ATG16L2: variants seen among roughly 807,000 people sequenced by gnomAD.
ATG16L2 encodes protein Atg16l2.
In ATG16L2, 77 loss-of-function variants were observed where a neutral mutation model predicts 84.7. The ratio of observed to expected loss-of-function variants is 0.91; its 90% CI spans 0.76 to 1.10. The LOEUF is 1.10. ATG16L2 is among the 50% of genes least tolerant of loss of function. The probability of loss-of-function intolerance (pLI) is 0.00; values close to 1 mark genes in which losing one functional copy is unlikely to be tolerated. For missense variants in ATG16L2, 782 were observed against 817.6 expected, an observed-to-expected ratio of 0.96 and a Z score of 0.53; for synonymous variants, 361 against 342.8, an observed-to-expected ratio of 1.05 and a Z score of -0.59.
In ATG16L2 at chr11:72,822,364, G is replaced by A. The variant is rs1187143165; in HGVS notation, c.644+69G>A. ...CTGCAGGGAGGAGTCGGGCCTCGCC[G>A]GTGTCTGGAAGGGAGGGGGGCAGCA... On this transcript the variant is annotated intron_variant, in intron 5 of 17. Coordinates refer to ENST00000321297, the MANE Select transcript of ATG16L2 (RefSeq NM_033388.2). The surrounding 1 kb of genome is among the most constrained non-coding windows in gnomAD (Gnocchi z 4.2). 2 of 1,565,742 alleles carry A rather than the reference G, an allele frequency of 1.3e-6. No homozygotes were observed. The highest frequency in any genetic ancestry group is 4.7e-5 in the East Asian group (2 of 42,110).
chr11:72,816,416 C>T (rs1272217453), intron 1 of ATG16L2: 2 of 299,252 alleles, frequency 6.7e-6, no homozygotes, highest in African/African-American at 4.2e-5. Flanking sequence ...ATGAATCAAT[C>T]CCAGGCCCCT....
intron 17 of ATG16L2, 25 bp from the exon 18 acceptor site, chr11:72,829,278 G>A: frequency 1.2e-6 from 2 of 1,610,708 alleles, no homozygotes; most frequent in Non-Finnish European, 1.7e-6. Context: ...AAGCCCCCCT[G>A]AAGCCTGCCC....
At chr11:72,823,353 A>G (rs1860127233) in intron 7 of ATG16L2, 3 of 334,960 alleles carry the variant, frequency 9.0e-6, no homozygotes, top group South Asian at 4.9e-5. Flanking sequence ...AGGTGTGTAC[A>G]AGCTTGACTG....
exon 6 of ATG16L2, chr11:72,843,638 G>A (rs1861035225): frequency 2.7e-6 from 2 of 727,418 alleles, no homozygotes; most frequent in East Asian, 2.5e-5. Flanking sequence ...ATGATTTTGA[G>A]AAACATGTTG....
downstream of ATG16L2, among the ~76,000 whole-genome samples, chr11:72,832,390 G>T (rs1356219759): frequency 6.6e-6 from 1 of 152,188 alleles, no homozygotes; most frequent in Non-Finnish European, 1.5e-5. Context: ...AGGAGGGGGT[G>T]CTTCCTGGAG....
exon 6 of ATG16L2, chr11:72,842,672 T>G: frequency 1.2e-6 from 2 of 1,614,060 alleles, no homozygotes; most frequent in Non-Finnish European, 1.7e-6. Flanking sequence ...CTGAAAGTTC[T>G]TCCACTAGCA....
chr11:72,819,949 G>A (rs1366513666), intron 3 of ATG16L2, among the ~76,000 whole-genome samples: 1 of 152,090 alleles, frequency 6.6e-6, no homozygotes, highest in Non-Finnish European at 1.5e-5. Flanking sequence ...GTTTCACCAT[G>A]TTAGCTAGGA....
At position 72,829,347 on chromosome 11, in the gene ATG16L2, T is replaced by C. The variant is rs1341098379; in HGVS notation, c.1817T>C (p.Met606Thr). The change falls in exon 18 of 18, where the codon ATG becomes ACG. Residue 606 changes from methionine to threonine, a missense_variant. Met to Thr is a moderately conservative substitution (Grantham distance 81). Transcript: ENST00000321297. ...GCCTGGTGCTACTCCGGGAGCCACA[T>C]GGTGAGCGTGGACCAGGGCAGGAAG... ...AVAWCYSGSH[M>T]VSVDQGRKVV... 4 of 1,612,892 alleles carry C rather than the reference T, an allele frequency of 2.5e-6. No homozygotes were observed. The highest frequency in any genetic ancestry group is 1.1e-5 in the South Asian group (1 of 91,038).
chr11:72,834,659 C>T (rs561073643), intron 5 of ATG16L2, among the ~76,000 whole-genome samples: 4 of 151,684 alleles, frequency 2.6e-5, no homozygotes, highest in East Asian at 1.9e-4. Flanking sequence ...CTTGGCTCAC[C>T]GCAACCTCTG....
intron 14 of ATG16L2, 54 bp from the exon 15 acceptor site, chr11:72,828,305 A>T: frequency 6.3e-7 from 1 of 1,599,744 alleles, no homozygotes; most frequent in Non-Finnish European, 8.6e-7. Flanking sequence ...CCTTCCTGTC[A>T]GGAGTGGCCT....
exon 6 of ATG16L2, chr11:72,843,363 C>T (rs1861025030): frequency 7.9e-7 from 1 of 1,265,634 alleles, no homozygotes; most frequent in African/African-American, 1.5e-5. Context: ...CAAGTTTACA[C>T]ACACAATTTA....
intron 9 of ATG16L2, 118 bp from the exon 10 acceptor site, chr11:72,825,184 G>T: frequency 2.7e-6 from 2 of 754,002 alleles, no homozygotes; most frequent in Non-Finnish European, 4.4e-6. Flanking sequence ...AAACTGGGGA[G>T]GGAGATACCA....
intron 1 of ATG16L2, chr11:72,816,368 C>T (rs1365365473): frequency 5.3e-6 from 1 of 187,798 alleles, no homozygotes; most frequent in East Asian, 1.3e-4. Flanking sequence ...CGGTTTATTT[C>T]ATCACTTTCT....
chr11:72,825,080 G>C (rs1435499514), intron 9 of ATG16L2, among the ~76,000 whole-genome samples: 1 of 152,164 alleles, frequency 6.6e-6, no homozygotes, highest in East Asian at 1.9e-4. Context: ...AGGCAGGAGA[G>C]TAGAGTAGCA....
rs373884554 is a variant in ATG16L2, at chr11:72,828,446, T to C, written c.1560T>C (p.Cys520=). The change falls in exon 15 of 18, where the codon TGT becomes TGC. Residue 520 remains cysteine (C), a synonymous_variant. Transcript: ENST00000321297. ...ACGACCAACTGCACCTGCTCAGCTG[T>C]TCCCGAGACAACACACTCAAGGTCA... ...LSHDQLHLLS[C]SRDNTLKVID... 1.1e-5 allele frequency: 18 copies of C among 1,613,812 alleles called. No homozygotes were observed. Among genetic ancestry groups the C allele is most frequent in the Non-Finnish European group, 1.5e-5 (18 of 1,179,966 alleles).
intron 5 of ATG16L2, among the ~76,000 whole-genome samples, chr11:72,839,386 G>A (rs891572295): frequency 1.3e-5 from 2 of 152,186 alleles, no homozygotes; most frequent in East Asian, 1.9e-4. Context: ...TCAGATCTGC[G>A]AAAAGATGAC....
At position 72,826,595 on chromosome 11, in the gene ATG16L2, G is replaced by C. The variant is rs1860370969; in HGVS notation, c.1245+6G>C. 6.8e-6 allele frequency: 11 copies of C among 1,614,140 alleles called. No individual in the cohort carries two copies. The highest frequency in any genetic ancestry group is 9.3e-6 in the Non-Finnish European group (11 of 1,180,010). On this transcript the variant is annotated splice_donor_region_variant and intron_variant, in intron 12 of 17. Transcript: ENST00000321297. ...TGGGGGAGGCACAGTCCAAGGTGAG[G>C]CCTGACTGGGGAGGCTGCCTGGAGG...
At position 72,824,794 on chromosome 11, in the gene ATG16L2, C is replaced by A. The variant is rs1190006217; in HGVS notation, c.948C>A (p.Ile316=). ...CCCCTGAGCAGCGATACCAGATCAT[C>A]CCTGTGTGTGTGGCTGCCCGACTTC... ...GGAPEQRYQI[I]PVCVAARLPT... is the part of the protein sequence containing the mutation. The change falls in exon 9 of 18, where the codon ATC becomes ATA. Residue 316 remains isoleucine (I), a synonymous_variant. Coordinates refer to ENST00000321297, the MANE Select transcript of ATG16L2 (RefSeq NM_033388.2). 1 of 1,610,586 alleles carries A rather than the reference C, an allele frequency of 6.2e-7. No individual in the cohort carries two copies. The highest frequency in any genetic ancestry group is 1.7e-5 in the Admixed American group (1 of 59,416).
At position 72,822,079 on chromosome 11, in the gene ATG16L2, G is replaced by A. The variant is rs751388517; in HGVS notation, c.428G>A (p.Arg143Gln). 113 of 1,539,374 alleles carry A rather than the reference G, an allele frequency of 7.3e-5. No individual in the cohort carries two copies. Among genetic ancestry groups the A allele is most frequent in the Non-Finnish European group, 9.6e-5 (111 of 1,155,654 alleles). The change falls in exon 5 of 18, where the codon CGA becomes CAA. Residue 143 changes from arginine (R) to glutamine (Q), a missense_variant. Transcript: ENST00000321297. The surrounding 1 kb of genome is among the most constrained non-coding windows in gnomAD (Gnocchi z 4.2). ...CTGGAGGCCCGCGTGGCGCAGCTGC[G>A]AGAGGCGCGGGCGCAGCAGGCCCAG... ...AALEARVAQLREARAQQAQQV... is the reference protein window; with the variant it reads ...AALEARVAQLQEARAQQAQQV...
Sources: allele counts gnomAD v4.1 joint callset (sites outside exome capture counted in the v4.1 genomes callset), GRCh38; gene constraint gnomAD v4.1.1; non-coding constraint Gnocchi (gnomAD v3.1); transcripts MANE v1.5; gene names NCBI Gene and HGNC (gene_info 2026-07-23, HGNC 2026-07-21).